NUDT3: variants seen among roughly 807,000 people sequenced by gnomAD.
The protein encoded by NUDT3 is diphosphoinositol polyphosphate phosphohydrolase 1.
Under a neutral mutation model 23.6 loss-of-function variants are expected in NUDT3, and 9 were observed. That is an observed-to-expected ratio of 0.38 (90% CI 0.23 to 0.66). NUDT3 has a LOEUF of 0.66. NUDT3 is among the 30% of genes least tolerant of loss of function. The pLI is 0.52. For synonymous variants in NUDT3, 86 were observed against 82.6 expected, an observed-to-expected ratio of 1.04 and a Z score of -0.22; for missense variants, 172 against 218.5, an observed-to-expected ratio of 0.79 and a Z score of 1.34.
chr6:34,334,464 A>AC (rs1224527656), intron 2 of NUDT3, among the ~76,000 whole-genome samples: 2 of 151,698 alleles, frequency 1.3e-5, no homozygotes, highest in Non-Finnish European at 2.9e-5. Context: ...ACATGGTGAA[A>AC]CCCCGTCTCT....
Position 34,285,833 on chromosome 6 carries a change from T to C in NUDT3, c.*2920A>G, listed in dbSNP as rs1763327384. On this transcript the variant is annotated 3_prime_UTR_variant, in exon 5 of 5. Coordinates refer to ENST00000607016, the MANE Select transcript of NUDT3 (RefSeq NM_006703.4). ...ACAGCACCAGTTTCAACAATTCTGA[T>C]GTTGGACAAAGCCTCTTTTTGTCAG... 6.6e-6 allele frequency: 1 copy of C among 152,244 alleles called. No individual in the cohort carries two copies. Among genetic ancestry groups the C allele is most frequent in the Admixed American group, 6.5e-5 (1 of 15,288 alleles). 9.4% of individuals were successfully genotyped at this position (152,244 alleles called of 1,614,324 possible). A position where few individuals can be genotyped will look rare whatever the true frequency, so the allele number is the denominator to read the frequency against.
intron 1 of NUDT3, among the ~76,000 whole-genome samples, chr6:34,359,589 G>C (rs1341482320): frequency 6.6e-6 from 1 of 152,144 alleles, no homozygotes; most frequent in Non-Finnish European, 1.5e-5. Context: ...CCATATTGTA[G>C]CATGTATCAC....
intron 1 of NUDT3, among the ~76,000 whole-genome samples, chr6:34,391,986 C>T (rs1415180532): frequency 6.6e-6 from 1 of 152,100 alleles, no homozygotes; most frequent in Non-Finnish European, 1.5e-5. Flanking sequence ...CGGCCGCTCT[C>T]CCCGGTAACA....
chr6:34,292,431 T>G (rs1481804822), intron 4 of NUDT3, among the ~76,000 whole-genome samples: 1 of 152,130 alleles, frequency 6.6e-6, no homozygotes, highest in Non-Finnish European at 1.5e-5. Flanking sequence ...AATCAAACCA[T>G]GAACCAACCT....
chr6:34,325,893 G>A (rs1175475188), intron 2 of NUDT3, among the ~76,000 whole-genome samples: 2 of 152,124 alleles, frequency 1.3e-5, no homozygotes, highest in Non-Finnish European at 2.9e-5. Flanking sequence ...TCACATCACC[G>A]TCCTTTGTAG....
chr6:34,293,085 C>CA (rs1238191451), intron 4 of NUDT3, among the ~76,000 whole-genome samples: 2 of 152,108 alleles, frequency 1.3e-5, no homozygotes, highest in African/African-American at 4.8e-5. Flanking sequence ...GTTTTTGAGA[C>CA]AGAGTCTCAC....
At chr6:34,370,645 G>C (rs1764811957) in intron 1 of NUDT3, among the ~76,000 whole-genome samples, 1 of 152,174 alleles carries the variant, frequency 6.6e-6, no homozygotes, top group Non-Finnish European at 1.5e-5. Flanking sequence ...TTGACAAGCT[G>C]AACAATGGTG....
chr6:34,320,177 T>C (rs999316181), intron 2 of NUDT3, among the ~76,000 whole-genome samples: 1 of 152,134 alleles, frequency 6.6e-6, no homozygotes, highest in African/African-American at 2.4e-5. Flanking sequence ...TATATCAAAA[T>C]GTTACTAGTG....
intron 1 of NUDT3, among the ~76,000 whole-genome samples, chr6:34,373,871 C>T (rs568450514): frequency 2.0e-5 from 3 of 151,922 alleles, no homozygotes; most frequent in Non-Finnish European, 4.4e-5. Flanking sequence ...TATTTTTATT[C>T]GGCTGGGCGC....
At chr6:34,319,828 T>TA (rs1763913483) in intron 2 of NUDT3, among the ~76,000 whole-genome samples, 1 of 152,092 alleles carries the variant, frequency 6.6e-6, no homozygotes, top group Non-Finnish European at 1.5e-5. Context: ...GGGGAAAGAT[T>TA]AGAGTCCTGC....
intron 1 of NUDT3, among the ~76,000 whole-genome samples, chr6:34,372,147 T>C (rs1764842025): frequency 1.3e-5 from 2 of 152,204 alleles, no homozygotes; most frequent in South Asian, 2.1e-4. Context: ...CTATCACTGA[T>C]AGACATTTGG....
intron 2 of NUDT3, among the ~76,000 whole-genome samples, chr6:34,341,181 C>A (rs925602982): frequency 6.6e-6 from 1 of 152,102 alleles, no homozygotes; most frequent in Non-Finnish European, 1.5e-5. Flanking sequence ...CCACAAGAGG[C>A]TATGGAAAAA....
At chr6:34,335,716 A>T (rs1764198027) in intron 2 of NUDT3, among the ~76,000 whole-genome samples, 1 of 126,338 alleles carries the variant, frequency 7.9e-6, no homozygotes, top group Non-Finnish European at 1.6e-5. Context: ...AGGAGTTTGT[A>T]AAAAAAAAAA....
chr6:34,375,416 T>C (rs190327627), intron 1 of NUDT3, among the ~76,000 whole-genome samples: 1 of 152,164 alleles, frequency 6.6e-6, no homozygotes, highest in African/African-American at 2.4e-5. Flanking sequence ...TCATAGTTTA[T>C]CCTCCGTGGA....
chr6:34,292,139 C>T (rs541354955), intron 4 of NUDT3, among the ~76,000 whole-genome samples: 70 of 152,270 alleles, frequency 4.6e-4, no homozygotes, highest in Admixed American at 2.2e-3. Context: ...ACACATCCAC[C>T]GCAGTCTCCT....
At chr6:34,326,851 G>A (rs140411840) in intron 2 of NUDT3, among the ~76,000 whole-genome samples, 13,368 of 152,088 alleles carry the variant, frequency 0.088, 1,318 homozygotes, top group East Asian at 0.43. Context: ...TCCACCCGCC[G>A]TGGCCTCCCA....
intron 1 of NUDT3, among the ~76,000 whole-genome samples, chr6:34,348,333 A>G (rs1764412331): frequency 6.6e-6 from 1 of 151,666 alleles, no homozygotes; most frequent in South Asian, 2.1e-4. Context: ...CAAAAAAAAA[A>G]TAGCCAGGCG....
intron 2 of NUDT3, among the ~76,000 whole-genome samples, chr6:34,322,476 A>T (rs538097994): frequency 6.6e-6 from 1 of 152,064 alleles, no homozygotes; most frequent in Non-Finnish European, 1.5e-5. Context: ...TGATCCGCCC[A>T]CCTTGGCCTC....
intron 1 of NUDT3, among the ~76,000 whole-genome samples, chr6:34,347,985 T>A (rs770248328): frequency 5.4e-5 from 8 of 148,648 alleles, no homozygotes; most frequent in Non-Finnish European, 1.0e-4. Context: ...AAAAAATAAA[T>A]AAATAAATAA....
Sources: allele counts gnomAD v4.1 joint callset (sites outside exome capture counted in the v4.1 genomes callset), GRCh38; gene constraint gnomAD v4.1.1; transcripts MANE v1.5; gene names NCBI Gene and HGNC (gene_info 2026-07-23, HGNC 2026-07-21).